The following ASPRV1 variants were observed in gnomAD, a reference collection of about 807,000 sequenced individuals.
ASPRV1 encodes aspartic peptidase retroviral like 1.
ASPRV1 carries 7 observed loss-of-function variants against 11.0 expected under a neutral mutation model. The observed-to-expected ratio is 0.64, with a 90% CI of 0.36 to 1.20. The LOEUF (loss-of-function observed/expected upper bound fraction) is 1.20. Ranked by LOEUF, ASPRV1 falls within the 50% of genes most tolerant of loss-of-function variation. ASPRV1 has a pLI of 0.02. For missense variants in ASPRV1, 299 were observed against 320.0 expected, an observed-to-expected ratio of 0.93 and a Z score of 0.50; for synonymous variants, 136 against 138.4, an observed-to-expected ratio of 0.98 and a Z score of 0.12.
At position 69,960,699 on chromosome 2, in the gene ASPRV1, C is replaced by T. The variant is rs1678060768; in HGVS notation, c.738G>A (p.Glu246=). 1 of 1,614,020 alleles carries T rather than the reference C, an allele frequency of 6.2e-7. No homozygotes were observed. The highest frequency in any genetic ancestry group is 8.5e-7 in the Non-Finnish European group (1 of 1,180,000). The part of the protein sequence containing the change: ...EDEFDLELIE[E]DPSSEEGRQE... ...GCCGCCCTTCTTCTGAGGAGGGGTC[C>T]TCCTCTATGAGCTCCAGGTCAAACT... Residue 246 remains glutamate, a synonymous_variant, in exon 1 of 1, where the codon GAG becomes GAA. Transcript: ENST00000320256.
chr2:70,078,208 C>T, the ASPRV1 span, among the ~76,000 whole-genome samples: 1 of 152,148 alleles, frequency 6.6e-6, no homozygotes, highest in Non-Finnish European at 1.5e-5. Context: ...ATGTTACAAG[C>T]ACTGTTCTAG....
chr2:69,964,058 T>C (rs1212330336), upstream of ASPRV1, among the ~76,000 whole-genome samples: 1 of 152,078 alleles, frequency 6.6e-6, no homozygotes, highest in Non-Finnish European at 1.5e-5. Context: ...CAAGACTTTT[T>C]CCCCCTCTGG....
the ASPRV1 span, among the ~76,000 whole-genome samples, chr2:70,042,456 C>A: frequency 6.6e-6 from 1 of 152,172 alleles, no homozygotes; most frequent in Non-Finnish European, 1.5e-5. Context: ...TGGTGAGGGA[C>A]TGACAGCAGG....
chr2:69,961,361 T>C lies in ASPRV1; in HGVS notation c.76A>G (p.Asn26Asp), dbSNP rs773393244. Reference sequence around the variant, plus strand: ...TGCAGCCAGAGGTTTGGGACGACATTGGCCCCATCAAAAGGTTCCGGGACG... The same window carrying C: ...TGCAGCCAGAGGTTTGGGACGACATCGGCCCCATCAAAAGGTTCCGGGACG... ...AFVPEPFDGA[N>D]VVPNLWLHSF... is the part of the protein sequence containing the mutation. The change falls in exon 1 of 1, where the codon AAT becomes GAT. Residue 26 changes from asparagine (N) to aspartate (D), a missense_variant. Physicochemically the swap from Asn to Asp is conservative, Grantham distance 23. Coordinates refer to ENST00000320256, the MANE Select transcript of ASPRV1 (RefSeq NM_152792.4). 4.2e-5 allele frequency: 67 copies of C among 1,614,000 alleles called. No homozygotes were observed. The highest frequency in any genetic ancestry group is 5.5e-5 in the Non-Finnish European group (65 of 1,180,008).
At chr2:70,059,126 C>T in the ASPRV1 span, among the ~76,000 whole-genome samples, 1 of 149,436 alleles carries the variant, frequency 6.7e-6, no homozygotes, top group African/African-American at 2.5e-5. Context: ...CTCCTGACCT[C>T]GTGATCCGCC....
chr2:70,082,739 T>A, the ASPRV1 span, among the ~76,000 whole-genome samples: 1 of 151,892 alleles, frequency 6.6e-6, no homozygotes, highest in South Asian at 2.1e-4. Context: ...TAATTTAACT[T>A]AAAAATCAGC....
the ASPRV1 span, among the ~76,000 whole-genome samples, chr2:70,065,575 G>C: frequency 2.0e-5 from 3 of 151,848 alleles, no homozygotes; most frequent in African/African-American, 7.2e-5. Context: ...ATAGTCAAGG[G>C]AAGACCTGTC....
the ASPRV1 span, chr2:70,064,053 C>T: frequency 6.6e-6 from 1 of 152,196 alleles, no homozygotes; most frequent in African/African-American, 2.4e-5. Flanking sequence ...AATATGCCTA[C>T]CCAGATTCTC....
the ASPRV1 span, among the ~76,000 whole-genome samples, chr2:70,020,561 G>T: frequency 2.0e-5 from 3 of 152,148 alleles, no homozygotes; most frequent in Non-Finnish European, 4.4e-5. Flanking sequence ...TGGCTAACAT[G>T]GTGAAATCCC....
the ASPRV1 span, among the ~76,000 whole-genome samples, chr2:69,971,739 G>A: frequency 2.0e-5 from 3 of 152,132 alleles, no homozygotes; most frequent in South Asian, 2.1e-4. Context: ...ATGTAGCCAA[G>A]CCAGCCCTGC....
the ASPRV1 span, among the ~76,000 whole-genome samples, chr2:70,035,961 T>C: frequency 1.3e-5 from 2 of 151,980 alleles, no homozygotes; most frequent in East Asian, 2.0e-4. Context: ...TTTACTGTAT[T>C]ACTTTCAAAG....
chr2:69,957,335 G>GA (rs1327877980), downstream of ASPRV1, among the ~76,000 whole-genome samples: 2 of 152,012 alleles, frequency 1.3e-5, no homozygotes, highest in Admixed American at 6.6e-5. Context: ...AAGTTAATTG[G>GA]AAAAATGCTA....
chr2:70,039,368 G>A, the ASPRV1 span, among the ~76,000 whole-genome samples: 1 of 152,104 alleles, frequency 6.6e-6, no homozygotes, highest in Non-Finnish European at 1.5e-5. Context: ...CAAATTCAAT[G>A]GAAGCAAGAG....
the ASPRV1 span, among the ~76,000 whole-genome samples, chr2:70,081,977 TTTTTTA>T: frequency 1.3e-5 from 2 of 151,760 alleles, no homozygotes; most frequent in Admixed American, 6.6e-5. Flanking sequence ...AGTAGGGCAA[TTTTTTA>T]TTTTTATTTT....
At chr2:69,976,580 G>T in the ASPRV1 span, 6 of 152,284 alleles carry the variant, frequency 3.9e-5, no homozygotes, top group East Asian at 1.2e-3. Flanking sequence ...ATTATTTTTT[G>T]AATGCTTTCC....
At chr2:69,988,674 G>T in the ASPRV1 span, 1 of 421,470 alleles carries the variant, frequency 2.4e-6, no homozygotes, top group Admixed American at 2.6e-5. Context: ...CATTAAAATG[G>T]TCGATTTTAT....
Position 69,961,312 on chromosome 2 carries a change from A to G in ASPRV1, c.125T>C (p.Leu42Pro). The change falls in exon 1 of 1, where the codon CTC becomes CCC. Residue 42 changes from leucine (L) to proline (P), a missense_variant. By Grantham distance (98) the Leu-to-Pro change is moderately conservative (BLOSUM62 -3). Coordinates refer to ENST00000320256, the MANE Select transcript of ASPRV1 (RefSeq NM_152792.4). ...WLHSFEVIND[L>P]NHWDHITKLR... ...CTTGGTGATATGGTCCCAATGGTTGAGGTCATTGATGACTTCAAAGCTGTG... is the reference window on the plus strand; with the variant it reads ...CTTGGTGATATGGTCCCAATGGTTGGGGTCATTGATGACTTCAAAGCTGTG... 1.2e-6 allele frequency: 2 copies of G among 1,614,140 alleles called. No individual in the cohort carries two copies. Among genetic ancestry groups the G allele is most frequent in the Non-Finnish European group, 1.7e-6 (2 of 1,180,032 alleles).
chr2:70,074,751 A>C, the ASPRV1 span, among the ~76,000 whole-genome samples: 1 of 151,758 alleles, frequency 6.6e-6, no homozygotes, highest in East Asian at 2.0e-4. Context: ...CTACTCTTAT[A>C]CCACACAGTC....
the ASPRV1 span, among the ~76,000 whole-genome samples, chr2:69,984,641 G>A: frequency 5.0e-5 from 4 of 80,418 alleles, no homozygotes; most frequent in South Asian, 8.2e-4. Context: ...TTTTTTTTGA[G>A]ACAGAGTCTT....
Sources: allele counts gnomAD v4.1 joint callset (sites outside exome capture counted in the v4.1 genomes callset), GRCh38; gene constraint gnomAD v4.1.1; transcripts MANE v1.5; gene names NCBI Gene and HGNC (gene_info 2026-07-23, HGNC 2026-07-21).